Variants in KAZN observed in about 807,000 individuals in gnomAD.
KAZN encodes the protein kazrin.
Under a neutral mutation model 87.4 loss-of-function variants are expected in KAZN, and 40 were observed. The ratio of observed to expected loss-of-function variants is 0.46; its 90% CI spans 0.36 to 0.60. The LOEUF is 0.60. Among genes scored for constraint, KAZN ranks in the 20% least tolerant of loss-of-function variants. The pLI, the probability that KAZN is intolerant of heterozygous loss-of-function variation, is 0.00. For missense variants in KAZN, 898 were observed against 1,073.9 expected, an observed-to-expected ratio of 0.84 and a Z score of 2.29; for synonymous variants, 466 against 458.3, an observed-to-expected ratio of 1.02 and a Z score of -0.22.
intron 1 of KAZN, among the ~76,000 whole-genome samples, chr1:14,173,668 G>A (rs575130754): frequency 4.6e-5 from 5 of 108,296 alleles, no homozygotes; most frequent in African/African-American, 1.1e-4. Context: ...TCCCCGCCCC[G>A]CCCCGCCCAA....
rs1194317578 is a variant in KAZN at position 15,066,569 on chromosome 1, G to A, written c.1222+816G>A. 1.0e-6 allele frequency: 1 copy of A among 984,396 alleles called. No individual in the cohort carries two copies. The highest frequency in any genetic ancestry group is 1.2e-6 in the Non-Finnish European group (1 of 829,124). The allele number at this position is 984,396 out of a possible 1,614,324, so 61.0% of individuals were successfully genotyped here. On this transcript the variant is annotated intron_variant, in intron 8 of 14. Transcript: ENST00000376030. This position sits in a 1 kb window ranked among gnomAD's most constrained non-coding sequence, Gnocchi z 4.3. ...CCGTTTCTTTCTTTATGAAAAAAAA[G>A]AAAAAAAGAAAATTGTTTCATTTAA...
chr1:14,376,120 G>A (rs1376160219), intron 2 of KAZN, among the ~76,000 whole-genome samples: 1 of 152,136 alleles, frequency 6.6e-6, no homozygotes, highest in Non-Finnish European at 1.5e-5. Flanking sequence ...CAGTGAGGGA[G>A]AATACCAACT....
rs547730286 is a variant in KAZN at position 14,855,837 on chromosome 1, G to A, written c.227-104847G>A. Among the ~76,000 whole-genome samples, 10 of 152,342 alleles carry A rather than the reference G, an allele frequency of 6.6e-5. No individual in the cohort carries two copies. The East Asian group carries it at 1.9e-3, about 29-fold the overall frequency. On this transcript the variant is annotated intron_variant, in intron 1 of 14. Transcript: ENST00000376030. ...CTCTAAAGTCTTGCAACCGCGCTAA[G>A]CCATCAGCCTATGTAATTGGAATAG...
chr1:14,948,104 G>A (rs1662046272), intron 1 of KAZN, among the ~76,000 whole-genome samples: 2 of 152,210 alleles, frequency 1.3e-5, no homozygotes, highest in Non-Finnish European at 1.5e-5. Flanking sequence ...TAGCCTTCAA[G>A]TTTGTAGGGA....
At chr1:14,675,488 C>A (rs147835092) in intron 1 of KAZN, among the ~76,000 whole-genome samples, 1 of 152,124 alleles carries the variant, frequency 6.6e-6, no homozygotes, top group Non-Finnish European at 1.5e-5. Flanking sequence ...GTCTTTCATG[C>A]CTGTGTCCTC....
intron 2 of KAZN, among the ~76,000 whole-genome samples, chr1:14,569,310 A>G (rs1427007140): frequency 1.6e-5 from 2 of 125,408 alleles, no homozygotes; most frequent in African/African-American, 6.4e-5. Context: ...TACCTCCTCT[A>G]CTTCCTCTGC....
intron 1 of KAZN, among the ~76,000 whole-genome samples, chr1:14,142,380 T>C (rs533561932): frequency 1.3e-5 from 2 of 152,326 alleles, no homozygotes; most frequent in South Asian, 2.1e-4. Context: ...TAACAGCAAA[T>C]GTAAATGAAT....
At chr1:15,057,012 G>A (rs1638342964) in intron 5 of KAZN, among the ~76,000 whole-genome samples, 1 of 152,250 alleles carries the variant, frequency 6.6e-6, no homozygotes, top group Non-Finnish European at 1.5e-5. Context: ...GTAAGAGCTG[G>A]TCACTGTGAA....
chr1:14,206,821 C>A (rs1277864212), intron 2 of KAZN, among the ~76,000 whole-genome samples: 5 of 151,616 alleles, frequency 3.3e-5, no homozygotes, highest in Non-Finnish European at 7.4e-5. Flanking sequence ...CGTGGCCATG[C>A]CTGCATTGAA....
At chr1:14,845,518 G>A (rs974802978) in intron 1 of KAZN, among the ~76,000 whole-genome samples, 2 of 150,428 alleles carry the variant, frequency 1.3e-5, no homozygotes, top group African/African-American at 4.9e-5. Context: ...TAAGTGGATG[G>A]ATGAATGGGT....
At chr1:14,852,392 G>A (rs955867379) in intron 1 of KAZN, among the ~76,000 whole-genome samples, 39 of 152,370 alleles carry the variant, frequency 2.6e-4, no homozygotes, top group African/African-American at 8.9e-4. Flanking sequence ...AGTCAGCCAT[G>A]CGGCGATCAG....
At chr1:14,624,271 A>C (rs1255956067) in intron 1 of KAZN, among the ~76,000 whole-genome samples, 1 of 152,124 alleles carries the variant, frequency 6.6e-6, no homozygotes, top group Non-Finnish European at 1.5e-5. Context: ...AAATACAAAA[A>C]ATTAGCCAGG....
intron 2 of KAZN, among the ~76,000 whole-genome samples, chr1:14,246,801 C>CT (rs911447722): frequency 3.3e-5 from 5 of 151,978 alleles, no homozygotes; most frequent in East Asian, 3.9e-4. Flanking sequence ...CCATGACCTG[C>CT]TTTTTTTTCA....
At position 15,087,908 on chromosome 1, in the gene KAZN, T is replaced by G. The variant is rs533570425; in HGVS notation, c.1223-6272T>G. Reference sequence around the variant, plus strand: ...TCATCCTCACACCATCCTGTGAGATTAAGCGTTCCTATCATCCCCGTTTTA... The same window carrying G: ...TCATCCTCACACCATCCTGTGAGATGAAGCGTTCCTATCATCCCCGTTTTA... On this transcript the variant is annotated intron_variant, in intron 8 of 14. Coordinates refer to ENST00000376030, the MANE Select transcript of KAZN (RefSeq NM_201628.3). Among the ~76,000 whole-genome samples, 179 of 152,354 alleles carry G rather than the reference T, an allele frequency of 1.2e-3. 1 individual carries two copies. Among genetic ancestry groups the G allele is most frequent in the Admixed American group, 0.012 (178 of 15,304 alleles).
intron 1 of KAZN, among the ~76,000 whole-genome samples, chr1:14,719,150 C>A (rs1642961877): frequency 6.6e-6 from 1 of 152,148 alleles, no homozygotes; most frequent in African/African-American, 2.4e-5. Flanking sequence ...TCAGCTTCTG[C>A]AAGGCAGGGA....
chr1:14,360,702 T>C (rs1012312609), intron 2 of KAZN, among the ~76,000 whole-genome samples: 1 of 152,206 alleles, frequency 6.6e-6, no homozygotes, highest in Non-Finnish European at 1.5e-5. Context: ...GCCACTCTGC[T>C]GCAGGTCTGC....
intron 1 of KAZN, among the ~76,000 whole-genome samples, chr1:13,928,295 A>G (rs976765584): frequency 6.6e-6 from 1 of 152,116 alleles, no homozygotes; most frequent in African/African-American, 2.4e-5. Context: ...TGGATCATGT[A>G]TGATGATGAT....
intron 1 of KAZN, among the ~76,000 whole-genome samples, chr1:14,144,415 T>C (rs535936412): frequency 3.1e-4 from 47 of 152,288 alleles, no homozygotes; most frequent in Non-Finnish European, 5.7e-4. Context: ...ATAACAGTTA[T>C]GTCATTTTTA....
chr1:14,899,352 C>T (rs556183069), intron 1 of KAZN, among the ~76,000 whole-genome samples: 1 of 152,330 alleles, frequency 6.6e-6, no homozygotes, highest in African/African-American at 2.4e-5. Flanking sequence ...CAGCCTCTGA[C>T]CTGATATAGG....
Sources: allele counts gnomAD v4.1 joint callset (sites outside exome capture counted in the v4.1 genomes callset), GRCh38; gene constraint gnomAD v4.1.1; non-coding constraint Gnocchi (gnomAD v3.1); transcripts MANE v1.5; gene names NCBI Gene and HGNC (gene_info 2026-07-23, HGNC 2026-07-21).